The following SIM1 variants were observed in gnomAD, a reference collection of about 807,000 sequenced individuals.
SIM1 encodes single-minded homolog 1.
A neutral mutation model predicts 78.2 loss-of-function variants in SIM1; 18 were observed. The observed-to-expected ratio is 0.23, with a 90% CI of 0.16 to 0.34. SIM1 has a LOEUF of 0.34. Among genes scored for constraint, SIM1 ranks in the 10% least tolerant of loss-of-function variants. The pLI, the probability that SIM1 is intolerant of heterozygous loss-of-function variation, is 1.00. For missense variants in SIM1, 939 were observed against 975.1 expected (o/e 0.96, Z 0.49); for synonymous variants, 417 against 385.2 (o/e 1.08, Z -0.97).
chr6:100,433,464 C>T (rs113660433), intron 9 of SIM1, among the ~76,000 whole-genome samples: 1 of 152,174 alleles, frequency 6.6e-6, no homozygotes, highest in African/African-American at 2.4e-5. Context: ...TTTAGAGAAA[C>T]CTTTCTGACC....
intron 10 of SIM1, among the ~76,000 whole-genome samples, chr6:100,407,994 A>G (rs1771093309): frequency 6.6e-6 from 1 of 151,882 alleles, no homozygotes; most frequent in South Asian, 2.1e-4. Flanking sequence ...ATGTACTCCC[A>G]CTGATTTATT....
At chr6:100,439,207 T>G in intron 9 of SIM1, among the ~76,000 whole-genome samples, 1 of 152,176 alleles carries the variant, frequency 6.6e-6, no homozygotes, top group East Asian at 1.9e-4. Context: ...AGTGAGACCA[T>G]CACTGTTTGA....
intron 10 of SIM1, among the ~76,000 whole-genome samples, chr6:100,412,609 AAGG>A (rs1342181970): frequency 1.2e-4 from 12 of 101,468 alleles, no homozygotes; most frequent in African/African-American, 4.0e-4. Flanking sequence ...GAAAGAAAGA[AAGG>A]AAAGAAAGAA....
intron 9 of SIM1, among the ~76,000 whole-genome samples, chr6:100,439,303 A>G (rs1772145207): frequency 6.6e-6 from 1 of 152,148 alleles, no homozygotes; most frequent in Admixed American, 6.6e-5. Context: ...TAGGTCATTG[A>G]CCCATCTCAA....
chr6:100,439,909 G>C (rs1426203399), intron 9 of SIM1, among the ~76,000 whole-genome samples: 1 of 152,024 alleles, frequency 6.6e-6, no homozygotes, highest in Non-Finnish European at 1.5e-5. Context: ...TGAAAAACAG[G>C]GTGAGCCTAA....
At chr6:100,427,869 A>G (rs1356209141) in intron 9 of SIM1, among the ~76,000 whole-genome samples, 1 of 152,174 alleles carries the variant, frequency 6.6e-6, no homozygotes, top group Non-Finnish European at 1.5e-5. Flanking sequence ...CCTCTTTCTA[A>G]ATTCCTTCTC....
intron 10 of SIM1, among the ~76,000 whole-genome samples, chr6:100,399,403 T>C (rs78639596): frequency 8.7e-4 from 132 of 152,198 alleles, no homozygotes; most frequent in Non-Finnish European, 1.6e-3. Context: ...ATTACAGATA[T>C]GAAGAACAAA....
intron 9 of SIM1, among the ~76,000 whole-genome samples, chr6:100,435,286 A>G (rs1273805274): frequency 1.3e-5 from 2 of 152,220 alleles, no homozygotes; most frequent in African/African-American, 4.8e-5. Context: ...GAAATTGCCA[A>G]TATTGAACTG....
chr6:100,412,639 A>C (rs1167550651), intron 10 of SIM1, among the ~76,000 whole-genome samples: 1 of 110,916 alleles, frequency 9.0e-6, no homozygotes, highest in East Asian at 4.1e-4. Context: ...AAAGAAAGAA[A>C]AGAAAGAAAG....
intron 2 of SIM1, chr6:100,462,970 A>G (rs1030718794): frequency 4.2e-5 from 10 of 235,334 alleles, no homozygotes; most frequent in Non-Finnish European, 8.2e-5. Flanking sequence ...GGAGTAAAAA[A>G]GAAAGTCATG....
chr6:100,408,784 T>C (rs1287565538), intron 10 of SIM1, among the ~76,000 whole-genome samples: 1 of 152,122 alleles, frequency 6.6e-6, no homozygotes. Flanking sequence ...TGTATGATCC[T>C]TTCAATATGT....
rs1382515918 is a variant in SIM1 at position 100,393,511 on chromosome 6, T to C, written c.1546A>G (p.Ile516Val). The change falls in exon 11 of 12, where the codon ATC becomes GTC. Residue 516 changes from isoleucine to valine, a missense_variant. By Grantham distance (29) the Ile-to-Val change is conservative. Around this residue, in one of 5 missense-constraint regions of SIM1, gnomAD observed 556 missense variants for 521.9 expected, o/e 1.07. Transcript: ENST00000369208. ...CCATGGATCCTGTGGACTGAAGCGATGTGAGGCATGCTGTTTTCATAGGCT... is the reference window on the plus strand; with the variant it reads ...CCATGGATCCTGTGGACTGAAGCGACGTGAGGCATGCTGTTTTCATAGGCT... ...REAYENSMPH[I>V]ASVHRIHGRG... is the part of the protein sequence containing the mutation. The C allele has an allele frequency of 6.4e-7, 1 of 1,559,864 alleles. No homozygotes were observed. Among genetic ancestry groups the C allele is most frequent in the African/African-American group, 1.4e-5 (1 of 73,252 alleles).
rs745899394 is a variant in SIM1 at position 100,393,615 on chromosome 6, G to T, written c.1442C>A (p.Thr481Lys). Reference sequence around the variant, plus strand: ...CCAGGGCTCCCTCCCGGCCTGCGGCGTTCCCAGGAAGTACCTGCCTGCCTC... The same window carrying T: ...CCAGGGCTCCCTCCCGGCCTGCGGCTTTCCCAGGAAGTACCTGCCTGCCTC... ...RCEAGRYFLG[T>K]PQAGREPWWG... The change falls in exon 11 of 12, where the codon ACG (threonine) becomes AAG (lysine). Residue 481 changes from threonine (T) to lysine (K), a missense_variant. By Grantham distance (78) the Thr-to-Lys change is moderately conservative. This residue lies in a region of SIM1 where 556 missense variants were observed against 521.9 expected (regional missense o/e 1.07). Transcript: ENST00000369208. 4 of 1,614,124 alleles carry T rather than the reference G, an allele frequency of 2.5e-6. No homozygotes were observed. The highest frequency in any genetic ancestry group is 1.1e-5 in the South Asian group (1 of 91,078).
chr6:100,458,807 A>G (rs1772759056), intron 2 of SIM1, among the ~76,000 whole-genome samples: 2 of 152,258 alleles, frequency 1.3e-5, no homozygotes, highest in Admixed American at 1.3e-4. Flanking sequence ...TGGGGCTACC[A>G]GCGGAAGGAA....
chr6:100,462,060 G>T (rs374873724), intron 2 of SIM1, among the ~76,000 whole-genome samples: 163 of 151,944 alleles, frequency 1.1e-3, no homozygotes, highest in South Asian at 7.3e-3. Context: ...AGCATGTTTT[G>T]CAGGCTTTTT....
chr6:100,449,229 C>T, intron 6 of SIM1, 134 bp downstream of exon 6: 1 of 693,258 alleles, frequency 1.4e-6, no homozygotes, highest in Non-Finnish European at 2.5e-6. Context: ...AGAGTCCTGG[C>T]CTGCGGCTCT....
intron 9 of SIM1, among the ~76,000 whole-genome samples, chr6:100,431,669 T>C (rs1771904079): frequency 6.6e-6 from 1 of 152,208 alleles, no homozygotes; most frequent in Non-Finnish European, 1.5e-5. Context: ...TGTATAATAC[T>C]ACACAGAATA....
At chr6:100,409,676 C>T (rs1771143599) in intron 10 of SIM1, among the ~76,000 whole-genome samples, 1 of 152,042 alleles carries the variant, frequency 6.6e-6, no homozygotes, top group African/African-American at 2.4e-5. Context: ...TGTTTATACA[C>T]TTTCCTATTA....
At chr6:100,411,730 G>C (rs1372873038) in intron 10 of SIM1, among the ~76,000 whole-genome samples, 1 of 152,148 alleles carries the variant, frequency 6.6e-6, no homozygotes, top group Non-Finnish European at 1.5e-5. Flanking sequence ...TAGTCCAAGA[G>C]AGGAGATATG....
Sources: gnomAD v4.1 joint callset for allele counts (sites outside exome capture counted in the v4.1 genomes callset) on GRCh38, gnomAD v4.1.1 for gene constraint, gnomAD v4.1.1 regional missense constraint, MANE v1.5 for transcripts, NCBI Gene and HGNC (gene_info 2026-07-23, HGNC 2026-07-21) for gene names.